The following ITLN1 variants were observed in gnomAD, a reference collection of about 807,000 sequenced individuals.
ITLN1 encodes the protein intelectin-1.
A neutral mutation model predicts 36.2 loss-of-function variants in ITLN1; 29 were observed. The ratio of observed to expected loss-of-function variants is 0.80; its 90% CI spans 0.60 to 1.09. ITLN1 has a LOEUF of 1.09. Ranked by LOEUF, ITLN1 falls within the 50% of genes least tolerant of loss-of-function variation. The pLI, the probability that ITLN1 is intolerant of heterozygous loss-of-function variation, is 0.00. For missense variants in ITLN1, 358 were observed against 405.2 expected, an observed-to-expected ratio of 0.88 and a Z score of 1.00; for synonymous variants, 143 against 146.5, an observed-to-expected ratio of 0.98 and a Z score of 0.17.
chr1:160,881,071 T>TA (rs1201498055), intron 5 of ITLN1, 83 bp downstream of exon 5: 9 of 1,438,810 alleles, frequency 6.3e-6, no homozygotes, highest in Non-Finnish European at 8.4e-6. Flanking sequence ...ACAGACCCAT[T>TA]AAAAAATGAC....
At chr1:160,878,572 A>G (rs1397504062) in intron 7 of ITLN1, among the ~76,000 whole-genome samples, 2 of 151,872 alleles carry the variant, frequency 1.3e-5, no homozygotes, top group Non-Finnish European at 2.9e-5. Flanking sequence ...TTTTTTGTAA[A>G]GACAAGTTTT....
rs779021222 is a variant in ITLN1 at position 160,882,026 on chromosome 1, C to T, written c.336G>A (p.Glu112=). ...TGTAGTTGGCCCAGTTGCCGTCCCC[C>T]TCTGGGTAGACTGCTTTGCTGCCCT... The part of the protein sequence containing the change: ...SQQGSKAVYP[E]GDGNWANYNT... The change falls in exon 4 of 8, where the codon GAG becomes GAA. Residue 112 remains glutamate, a synonymous_variant. Coordinates refer to ENST00000326245, the MANE Select transcript of ITLN1 (RefSeq NM_017625.3). 8.7e-6 allele frequency: 14 copies of T among 1,614,130 alleles called. No individual in the cohort carries two copies. Among genetic ancestry groups the T allele is most frequent in the Non-Finnish European group, 1.1e-5 (13 of 1,180,036 alleles).
At chr1:160,884,403 T>TA (rs374536850) in intron 2 of ITLN1, among the ~76,000 whole-genome samples, 3,120 of 151,040 alleles carry the variant, frequency 0.021, 97 homozygotes, top group African/African-American at 0.067. Flanking sequence ...GCCTTTTCTT[T>TA]AAAAAAAAAA....
intron 4 of ITLN1, 45 bp downstream of exon 4, chr1:160,881,912 C>T (rs951118297): frequency 6.2e-7 from 1 of 1,613,574 alleles, no homozygotes; most frequent in Non-Finnish European, 8.5e-7. Context: ...GCCAGCCACA[C>T]TCCACTCCTC....
At chr1:160,884,163 T>A (rs1412492937) in intron 2 of ITLN1, among the ~76,000 whole-genome samples, 2 of 143,204 alleles carry the variant, frequency 1.4e-5, no homozygotes, top group African/African-American at 2.6e-5. Flanking sequence ...AAAAAAAAAA[T>A]ACAGCGTAGT....
chr1:160,884,810 C>T lies in ITLN1; in HGVS notation c.58+10G>A, dbSNP rs200562168. ...CTGAAGGAACTGCTGTCCCTAGCAG[C>T]GTGACTCACCTGTACTCCATCCTCT... On this transcript the variant is annotated intron_variant, in intron 2 of 7. Coordinates refer to ENST00000326245, the MANE Select transcript of ITLN1 (RefSeq NM_017625.3). 853 of 1,599,446 alleles carry T rather than the reference C, an allele frequency of 5.3e-4. 2 individuals are homozygous for T. The highest frequency in any genetic ancestry group is 7.0e-4 in the Non-Finnish European group (823 of 1,167,522).
chr1:160,883,705 C>T (rs1369196016), intron 2 of ITLN1, among the ~76,000 whole-genome samples, 179 bp from the exon 3 acceptor site: 2 of 152,142 alleles, frequency 1.3e-5, no homozygotes, highest in Non-Finnish European at 2.9e-5. Context: ...CTCAGCCCAT[C>T]GGCATCATAT....
At chr1:160,880,262 G>A (rs920054419) in intron 6 of ITLN1, among the ~76,000 whole-genome samples, 1 of 150,644 alleles carries the variant, frequency 6.6e-6, no homozygotes, top group Non-Finnish European at 1.5e-5. Context: ...CTGAGACTGC[G>A]CCATTGCACT....
intron 6 of ITLN1, among the ~76,000 whole-genome samples, 182 bp from the exon 7 acceptor site, chr1:160,879,596 G>GA (rs1670645483): frequency 6.6e-6 from 1 of 152,170 alleles, no homozygotes; most frequent in Non-Finnish European, 1.5e-5. Flanking sequence ...TTAGCTAAGA[G>GA]GGACCTTTTC....
rs150008974 is a variant in ITLN1 at position 160,881,209 on chromosome 1, C to T, written c.509G>A (p.Arg170His). 412 of 1,613,562 alleles carry T rather than the reference C, an allele frequency of 2.6e-4. 1 individual carries two copies. In the African/African-American group the frequency reaches 2.6e-3, roughly 10 times the overall value. The change falls in exon 5 of 8, where the codon CGC (arginine) becomes CAC (histidine). Residue 170 changes from arginine (R) to histidine (H), a missense_variant. Transcript: ENST00000326245. ...HWRNSSLLRY[R>H]TDTGFLQTLG... is the part of the protein sequence containing the mutation. ...TGTCTGGAGGAAGCCAGTGTCCGTG[C>T]GGTACCTCAGCAGGGAGCTGTTTCT...
chr1:160,876,863 G>A, intron 7 of ITLN1, 47 bp from the exon 8 acceptor site: 2 of 1,585,184 alleles, frequency 1.3e-6, no homozygotes, highest in Non-Finnish European at 1.7e-6. Flanking sequence ...ATCTGCCAGT[G>A]AGGCCAATGC....
chr1:160,884,989 G>C, intron 1 of ITLN1, 72 bp downstream of exon 1: 1 of 694,938 alleles, frequency 1.4e-6, no homozygotes, highest in Non-Finnish European at 2.6e-6. Context: ...CTTGCCTTTT[G>C]TTTAAACTTC....
intron 7 of ITLN1, among the ~76,000 whole-genome samples, chr1:160,877,065 A>C (rs760304851): frequency 1.9e-4 from 29 of 152,176 alleles, no homozygotes; most frequent in African/African-American, 7.0e-4. Context: ...TGGTGAAACC[A>C]CATCTCTACA....
intron 5 of ITLN1, 134 bp downstream of exon 5, chr1:160,881,020 A>G (rs1670667468): frequency 9.3e-7 from 1 of 1,074,694 alleles, no homozygotes; most frequent in African/African-American, 1.6e-5. Context: ...AAGAGAAGCA[A>G]CAGAAGCCAT....
intron 2 of ITLN1, among the ~76,000 whole-genome samples, chr1:160,884,619 C>G (rs1172751422): frequency 1.3e-5 from 2 of 152,168 alleles, no homozygotes; most frequent in African/African-American, 4.8e-5. Flanking sequence ...CACAAAAGCA[C>G]AGAGCCTGGA....
chr1:160,877,319 T>G (rs997753110), intron 7 of ITLN1, among the ~76,000 whole-genome samples: 1 of 152,168 alleles, frequency 6.6e-6, no homozygotes, highest in African/African-American at 2.4e-5. Context: ...TGAATATTCA[T>G]GCTCAGAGCC....
chr1:160,881,973 G>A lies in ITLN1; in HGVS notation c.389C>T (p.Thr130Met), dbSNP rs201482954. The A allele has an allele frequency of 5.5e-5, 89 of 1,614,052 alleles. No homozygotes were observed. The highest frequency in any genetic ancestry group is 6.7e-5 in the African/African-American group (5 of 75,010). ...GGCACCAACCTTGTAGTCATCGCTC[G>A]TGGCCGCCTCTGCAGATCCAAAGGT... ...YNTFGSAEAA[T>M]SDDYKNPGYY... The change falls in exon 4 of 8, where the codon ACG becomes ATG. Residue 130 changes from threonine (T) to methionine (M), a missense_variant. Transcript: ENST00000326245.
chr1:160,881,117 C>T (rs947044504), intron 5 of ITLN1, 37 bp downstream of exon 5: 4 of 1,566,330 alleles, frequency 2.6e-6, no homozygotes, highest in East Asian at 2.3e-5. Context: ...TCTCTGTACA[C>T]CCATGAAAAC....
At position 160,883,807 on chromosome 1, in the gene ITLN1, AC is replaced by A. The variant is rs1393369677; in HGVS notation, c.59-282del. On this transcript the variant is annotated intron_variant, in intron 2 of 7. Coordinates refer to ENST00000326245, the MANE Select transcript of ITLN1 (RefSeq NM_017625.3). Reference sequence around the variant, plus strand: ...CCTTGTGCTGGGTCCTGCCCTAAGCACTGAGTAATCAAAGACATTAAAGTTC... The same window carrying A: ...CCTTGTGCTGGGTCCTGCCCTAAGCATGAGTAATCAAAGACATTAAAGTTC... Among the ~76,000 whole-genome samples the A allele has an allele frequency of 2.6e-5, 4 of 152,328 alleles. No homozygotes were observed. In the East Asian group the frequency reaches 7.7e-4, roughly 29 times the overall value.
Sources: gnomAD v4.1 joint callset for allele counts (sites outside exome capture counted in the v4.1 genomes callset) on GRCh38, gnomAD v4.1.1 for gene constraint, MANE v1.5 for transcripts, NCBI Gene and HGNC (gene_info 2026-07-23, HGNC 2026-07-21) for gene names.